Variants in GLIPR1L2 observed in about 807,000 individuals in gnomAD.
GLIPR1L2 encodes the protein GLIPR1-like protein 2.
GLIPR1L2 carries 21 observed loss-of-function variants against 28.4 expected under a neutral mutation model. The observed-to-expected ratio is 0.74, with a 90% CI of 0.52 to 1.06. The LOEUF (loss-of-function observed/expected upper bound fraction) is 1.06. Ranked by LOEUF, GLIPR1L2 falls within the 50% of genes least tolerant of loss-of-function variation. GLIPR1L2 has a pLI of 0.00. For synonymous variants in GLIPR1L2, 145 were observed against 139.3 expected (o/e 1.04, Z -0.29); for missense variants, 476 against 416.9 (o/e 1.14, Z -1.23).
intron 1 of GLIPR1L2, chr12:75,391,704 A>ATTTTTT: frequency 2.4e-6 from 1 of 421,308 alleles, no homozygotes; most frequent in Non-Finnish European, 4.3e-6. Flanking sequence ...AAAATGTTAA[A>ATTTTTT]AAATTTAACA....
chr12:75,410,402 TTTG>T (rs2045853058), intron 1 of GLIPR1L2, 29 bp from the exon 2 acceptor site: 1 of 1,468,346 alleles, frequency 6.8e-7, no homozygotes, highest in African/African-American at 1.4e-5. Context: ...AAAAACTTAT[TTTG>T]TTCTCTTTGC....
At chr12:75,395,949 G>A (rs1747180825) in intron 1 of GLIPR1L2, among the ~76,000 whole-genome samples, 1 of 151,240 alleles carries the variant, frequency 6.6e-6, no homozygotes, top group Admixed American at 6.6e-5. Context: ...TTTTACCTAT[G>A]GTGTACAGTT....
chr12:75,413,818 C>A, intron 3 of GLIPR1L2, 117 bp downstream of exon 3: 1 of 481,530 alleles, frequency 2.1e-6, no homozygotes, highest in South Asian at 4.4e-5. Flanking sequence ...ATATACTTTA[C>A]ATTGAAATAT....
intron 4 of GLIPR1L2, among the ~76,000 whole-genome samples, chr12:75,426,850 A>C (rs2046039434): frequency 6.6e-6 from 1 of 152,228 alleles, no homozygotes; most frequent in South Asian, 2.1e-4. Context: ...TGAAATAGAC[A>C]GATGTTTTGG....
At chr12:75,418,218 A>C (rs571506813) in intron 3 of GLIPR1L2, among the ~76,000 whole-genome samples, 42 of 152,200 alleles carry the variant, frequency 2.8e-4, no homozygotes, top group Middle Eastern at 3.2e-3. Flanking sequence ...TGGCGTTTAA[A>C]ATCACTGGTT....
At chr12:75,423,077 G>A in intron 4 of GLIPR1L2, 88 bp downstream of exon 4, 1 of 1,599,652 alleles carries the variant, frequency 6.3e-7, no homozygotes, top group Non-Finnish European at 8.5e-7. Flanking sequence ...TTATGGTCAT[G>A]TTAATATTAT....
At chr12:75,410,298 A>G (rs1445463876) in intron 1 of GLIPR1L2, 136 bp from the exon 2 acceptor site, 22 of 758,066 alleles carry the variant, frequency 2.9e-5, no homozygotes, top group Non-Finnish European at 2.6e-5. Context: ...TTTTCCCAGC[A>G]GAAATTTCTC....
rs1566081740 is a variant in GLIPR1L2, at chr12:75,431,110, G to A, written c.984G>A (p.Glu328=). 4.1e-6 allele frequency: 4 copies of A among 974,940 alleles called. No individual in the cohort carries two copies. Among genetic ancestry groups the A allele is most frequent in the Non-Finnish European group, 4.7e-6 (3 of 643,134 alleles). The allele number at this position is 974,940 out of a possible 1,614,324, so 60.4% of individuals were successfully genotyped here. A position where few individuals can be genotyped will look rare whatever the true frequency, so the allele number is the denominator to read the frequency against. The change falls in exon 6 of 6, where the codon GAG becomes GAA. Residue 328 remains glutamate (E), a synonymous_variant. Coordinates refer to ENST00000550916, the MANE Select transcript of GLIPR1L2 (RefSeq NM_001270396.2). ...MEMEEEKEER[E]EEEEETQKEK... is the part of the protein sequence containing the mutation. The stretch of plus-strand genomic sequence containing the variant: ...TGGAGGAGGAAAAAGAAGAGAGAGA[G>A]GAGGAGGAGGAGGAAACACAAAAAG...
intron 3 of GLIPR1L2, 61 bp downstream of exon 3, chr12:75,413,762 C>A: frequency 1.3e-6 from 1 of 764,762 alleles, no homozygotes; most frequent in Admixed American, 2.9e-5. Flanking sequence ...GTGAGTTTTT[C>A]TAACTTTTAA....
chr12:75,416,190 G>A lies in GLIPR1L2; in HGVS notation c.584+2489G>A, dbSNP rs551801076. Among the ~76,000 whole-genome samples, 5 of 152,222 alleles carry A rather than the reference G, an allele frequency of 3.3e-5. No homozygotes were observed. The East Asian group carries it at 9.7e-4, about 29-fold the overall frequency. On this transcript the variant is annotated intron_variant, in intron 3 of 5. Transcript: ENST00000550916. ...GCCTATGTGTTTAGTCTAAAAAACT[G>A]GGTGGATGGTGATTTCATTAACTTA...
chr12:75,398,693 TTTTAA>T, intron 1 of GLIPR1L2, among the ~76,000 whole-genome samples: 1 of 152,302 alleles, frequency 6.6e-6, no homozygotes, highest in East Asian at 1.9e-4. Context: ...TAATATCAAT[TTTTAA>T]TTTAATATTA....
At chr12:75,401,148 CTT>C (rs906500652) in intron 1 of GLIPR1L2, among the ~76,000 whole-genome samples, 1 of 151,488 alleles carries the variant, frequency 6.6e-6, no homozygotes, top group African/African-American at 2.4e-5. Context: ...TAGGAAATGA[CTT>C]TTAAAAAACT....
intron 1 of GLIPR1L2, 91 bp downstream of exon 1, chr12:75,391,441 C>T (rs2045593158): frequency 6.3e-7 from 1 of 1,598,684 alleles, no homozygotes; most frequent in African/African-American, 1.3e-5. Context: ...TGCTCTGAGG[C>T]TGAAGGATCG....
intron 2 of GLIPR1L2, among the ~76,000 whole-genome samples, chr12:75,412,533 A>G (rs1235845487): frequency 6.6e-6 from 1 of 152,170 alleles, no homozygotes; most frequent in Non-Finnish European, 1.5e-5. Context: ...AAGTGGGCAA[A>G]GGATATGAAC....
intron 4 of GLIPR1L2, among the ~76,000 whole-genome samples, chr12:75,428,056 G>T (rs2046052237): frequency 6.6e-6 from 1 of 152,206 alleles, no homozygotes; most frequent in Non-Finnish European, 1.5e-5. Context: ...CTTTGGAACT[G>T]GGTAACAGGC....
At chr12:75,425,385 A>G (rs1196181585) in intron 4 of GLIPR1L2, among the ~76,000 whole-genome samples, 2 of 152,166 alleles carry the variant, frequency 1.3e-5, no homozygotes, top group African/African-American at 2.4e-5. Context: ...GCAATCACAC[A>G]TGAGGTGTCT....
intron 1 of GLIPR1L2, among the ~76,000 whole-genome samples, chr12:75,406,601 T>TA (rs1011838818): frequency 6.6e-6 from 1 of 151,348 alleles, no homozygotes; most frequent in Non-Finnish European, 1.5e-5. Context: ...TACCAAAAAA[T>TA]AAAAGAATTA....
At chr12:75,391,503 A>G (rs762862749) in intron 1 of GLIPR1L2, 153 bp downstream of exon 1, 17 of 1,538,646 alleles carry the variant, frequency 1.1e-5, no homozygotes, top group Non-Finnish European at 1.3e-5. Context: ...AAGTTTACAC[A>G]GAGAAAAACT....
At chr12:75,391,873 C>A (rs977764629) in intron 1 of GLIPR1L2, among the ~76,000 whole-genome samples, 1 of 108,488 alleles carries the variant, frequency 9.2e-6, no homozygotes, top group Admixed American at 9.8e-5. Context: ...TGTTTGTTAT[C>A]TTGATTTTTT....
Sources: gnomAD v4.1 joint callset for allele counts (sites outside exome capture counted in the v4.1 genomes callset) on GRCh38, gnomAD v4.1.1 for gene constraint, MANE v1.5 for transcripts, NCBI Gene and HGNC (gene_info 2026-07-23, HGNC 2026-07-21) for gene names.